Variants in DEDD2 observed in about 807,000 individuals in gnomAD.
DEDD2 encodes death effector domain containing 2.
Under a neutral mutation model 28.9 loss-of-function variants are expected in DEDD2, and 18 were observed. The ratio of observed to expected loss-of-function variants is 0.62; its 90% CI spans 0.43 to 0.92. DEDD2 has a LOEUF of 0.92. Among genes scored for constraint, DEDD2 ranks in the 40% least tolerant of loss-of-function variants. DEDD2 has a pLI of 0.00. For missense variants in DEDD2, 411 were observed against 463.3 expected, an observed-to-expected ratio of 0.89 and a Z score of 1.04; for synonymous variants, 211 against 206.1, an observed-to-expected ratio of 1.02 and a Z score of -0.20.
intron 3 of DEDD2, 54 bp from the exon 4 acceptor site, chr19:42,209,894 C>G: frequency 6.8e-7 from 1 of 1,474,264 alleles, no homozygotes; most frequent in South Asian, 1.4e-5. Context: ...CTAGAGTGCC[C>G]AGGTGTATGC....
At chr19:42,214,765 A>G (rs1181749312) in intron 3 of DEDD2, among the ~76,000 whole-genome samples, 1 of 152,178 alleles carries the variant, frequency 6.6e-6, no homozygotes, top group East Asian at 1.9e-4. Flanking sequence ...CCTATCTTGA[A>G]AAAGCCAAAC....
chr19:42,213,497 C>T (rs1044633582), intron 3 of DEDD2, among the ~76,000 whole-genome samples: 2 of 152,120 alleles, frequency 1.3e-5, no homozygotes, highest in African/African-American at 4.8e-5. Context: ...CCAAACTTTC[C>T]CACATCGGAA....
At chr19:42,208,016 A>G (rs2035601250) in intron 4 of DEDD2, among the ~76,000 whole-genome samples, 1 of 152,126 alleles carries the variant, frequency 6.6e-6, no homozygotes, top group Admixed American at 6.5e-5. Context: ...GACTCCCTGC[A>G]CACCCCAGAG....
chr19:42,217,894 C>T (rs2036052300), upstream of DEDD2: 1 of 152,324 alleles, frequency 6.6e-6, no homozygotes, highest in African/African-American at 2.4e-5. Flanking sequence ...AGCACGCCGC[C>T]TCTTGGGCTG....
At chr19:42,214,553 G>C (rs1185970858) in intron 3 of DEDD2, among the ~76,000 whole-genome samples, 1 of 151,904 alleles carries the variant, frequency 6.6e-6, no homozygotes, top group Non-Finnish European at 1.5e-5. Context: ...CTTGAGGCTA[G>C]GAGTTCAAGA....
chr19:42,208,074 C>T (rs1489999880), intron 4 of DEDD2, among the ~76,000 whole-genome samples: 1 of 152,178 alleles, frequency 6.6e-6, no homozygotes, highest in African/African-American at 2.4e-5. Context: ...AGCCTGGCTG[C>T]CACTTCCCTC....
chr19:42,215,840 C>T (rs1202119469), intron 2 of DEDD2, among the ~76,000 whole-genome samples: 2 of 152,200 alleles, frequency 1.3e-5, no homozygotes, highest in Non-Finnish European at 2.9e-5. Flanking sequence ...GGCTGCTATC[C>T]TCCAGGAGCA....
At chr19:42,210,683 C>T (rs552693409) in intron 3 of DEDD2, among the ~76,000 whole-genome samples, 62 of 152,244 alleles carry the variant, frequency 4.1e-4, no homozygotes, top group Non-Finnish European at 7.4e-4. Context: ...CATTGAGTCA[C>T]CAAGCCCAGC....
upstream of DEDD2, chr19:42,217,726 C>G (rs2036043731): frequency 6.6e-6 from 1 of 152,460 alleles, no homozygotes; most frequent in Non-Finnish European, 1.5e-5. Flanking sequence ...TGCGTCACCT[C>G]GCCCCTCCTC....
chr19:42,218,172 T>A (rs941696453), upstream of DEDD2, among the ~76,000 whole-genome samples: 4 of 152,122 alleles, frequency 2.6e-5, no homozygotes, highest in African/African-American at 4.8e-5. Flanking sequence ...TCACTTCTAG[T>A]GACAACCAGG....
At chr19:42,213,967 T>A (rs1427232959) in intron 3 of DEDD2, among the ~76,000 whole-genome samples, 1 of 152,220 alleles carries the variant, frequency 6.6e-6, no homozygotes, top group Non-Finnish European at 1.5e-5. Context: ...AATATCCTTA[T>A]TCTCCACGGA....
chr19:42,216,866 G>C lies in DEDD2; in HGVS notation c.142C>G (p.Leu48Val). Residue 48 changes from leucine (L) to valine (V), a missense_variant, in exon 2 of 5, where the codon CTG becomes GTG. Transcript: ENST00000596251. ...TECELELLAFLLDEAPGAAGG... is the reference protein window; with the variant it reads ...TECELELLAFVLDEAPGAAGG... ...GCGGCGCCAGGAGCCTCATCCAGCA[G>C]AAAGGCCAGGAGCTCCAGCTCGCAC... 1 of 1,595,012 alleles carries C rather than the reference G, an allele frequency of 6.3e-7. No individual in the cohort carries two copies. Among genetic ancestry groups the C allele is most frequent in the Non-Finnish European group, 8.5e-7 (1 of 1,171,372 alleles).
intron 4 of DEDD2, among the ~76,000 whole-genome samples, chr19:42,208,673 C>G (rs993408583): frequency 6.6e-6 from 1 of 152,088 alleles, no homozygotes; most frequent in African/African-American, 2.4e-5. Context: ...CCTGGCTCCT[C>G]CACCTGCTCC....
chr19:42,208,599 A>G (rs936930540), intron 4 of DEDD2, among the ~76,000 whole-genome samples: 3 of 152,210 alleles, frequency 2.0e-5, no homozygotes, highest in Non-Finnish European at 4.4e-5. Context: ...TGCCTGGCGC[A>G]TGGAATAAAA....
upstream of DEDD2, among the ~76,000 whole-genome samples, chr19:42,218,461 G>A (rs2036064337): frequency 6.6e-6 from 1 of 151,984 alleles, no homozygotes; most frequent in South Asian, 2.1e-4. Context: ...CTCCAGGGTC[G>A]CCCAGATACC....
rs57863174 is a variant in DEDD2 at position 42,212,037 on chromosome 19, CAATAATAATAAT to C, written c.449-2209_449-2198del. Reference sequence around the variant, plus strand: ...GGGCAACAAGAGTGAAACTCTTTCTCAATAATAATAATAATAATAATAATAAATTAATTAATT... The same window carrying C: ...GGGCAACAAGAGTGAAACTCTTTCTCAATAATAATAATAAATTAATTAATT... On this transcript the variant is annotated intron_variant, in intron 3 of 4. Transcript: ENST00000596251. 5 of 144,736 alleles carry C rather than the reference CAATAATAATAAT, an allele frequency of 3.5e-5. No homozygotes were observed. The East Asian group carries it at 1.0e-3, about 30-fold the overall frequency. 9.0% of individuals were successfully genotyped at this position (144,736 alleles called of 1,614,324 possible).
chr19:42,201,226 C>T (rs2035319296), intron 4 of DEDD2, among the ~76,000 whole-genome samples: 1 of 152,228 alleles, frequency 6.6e-6, no homozygotes, highest in African/African-American at 2.4e-5. Flanking sequence ...GTCATTTAAC[C>T]TCCTATGTCC....
At chr19:42,203,794 A>C (rs1397879330) in intron 4 of DEDD2, among the ~76,000 whole-genome samples, 2 of 152,208 alleles carry the variant, frequency 1.3e-5, no homozygotes, top group Non-Finnish European at 2.9e-5. Context: ...AGGTGGGTAG[A>C]AACAGGGCCA....
intron 4 of DEDD2, chr19:42,201,874 T>A: frequency 2.5e-6 from 1 of 397,006 alleles, no homozygotes; most frequent in Non-Finnish European, 4.4e-6. Flanking sequence ...CAACTGGCCA[T>A]GACCTCAATC....
Sources: allele counts gnomAD v4.1 joint callset (sites outside exome capture counted in the v4.1 genomes callset), GRCh38; gene constraint gnomAD v4.1.1; transcripts MANE v1.5; gene names NCBI Gene and HGNC (gene_info 2026-07-23, HGNC 2026-07-21).